Variants in RNF130 observed in about 807,000 individuals in gnomAD.
The protein encoded by RNF130 is ring finger protein 130, also known as E3 ubiquitin-protein ligase RNF130.
Under a neutral mutation model 44.6 loss-of-function variants are expected in RNF130, and 21 were observed. The ratio of observed to expected loss-of-function variants is 0.47; its 90% confidence interval spans 0.33 to 0.68. The LOEUF is 0.68. Among genes scored for constraint, RNF130 ranks in the 30% least tolerant of loss-of-function variants. The pLI is 0.02. For missense variants in RNF130, 479 were observed against 560.6 expected, an observed-to-expected ratio of 0.85 and a Z score of 1.47; for synonymous variants, 214 against 210.4, an observed-to-expected ratio of 1.02 and a Z score of -0.15.
At chr5:180,058,173 TG>T (rs1251313968) in intron 1 of RNF130, among the ~76,000 whole-genome samples, 1 of 152,148 alleles carries the variant, frequency 6.6e-6, no homozygotes, top group Non-Finnish European at 1.5e-5. Flanking sequence ...GAGCCGTGAC[TG>T]GAAGGGACCT....
At chr5:180,047,950 G>C (rs1201831620) in intron 1 of RNF130, among the ~76,000 whole-genome samples, 1 of 151,286 alleles carries the variant, frequency 6.6e-6, no homozygotes, top group East Asian at 1.9e-4. Flanking sequence ...TGCCTTCCCT[G>C]GCGTGGGCCC....
At chr5:180,006,060 G>A (rs549114539) in intron 3 of RNF130, among the ~76,000 whole-genome samples, 1 of 152,102 alleles carries the variant, frequency 6.6e-6, no homozygotes, top group Non-Finnish European at 1.5e-5. Flanking sequence ...GAAAAACAAG[G>A]TATCAGAGTA....
At chr5:180,038,198 G>A (rs1013719579) in intron 2 of RNF130, among the ~76,000 whole-genome samples, 4 of 152,004 alleles carry the variant, frequency 2.6e-5, no homozygotes, top group Non-Finnish European at 5.9e-5. Flanking sequence ...GGGACTACAG[G>A]AATGCACCAT....
chr5:179,996,550 T>C (rs1320892260), intron 3 of RNF130, among the ~76,000 whole-genome samples: 1 of 152,266 alleles, frequency 6.6e-6, no homozygotes, highest in Non-Finnish European at 1.5e-5. Flanking sequence ...AAATGCTTTT[T>C]CTGCATCTAC....
intron 7 of RNF130, among the ~76,000 whole-genome samples, chr5:179,944,164 G>A (rs1012256414): frequency 6.6e-6 from 1 of 151,424 alleles, no homozygotes; most frequent in Non-Finnish European, 1.5e-5. Flanking sequence ...AGACGGGGGG[G>A]TTCACCATAT....
chr5:179,928,687 G>A (rs896010861), intron 7 of RNF130, among the ~76,000 whole-genome samples: 1 of 150,882 alleles, frequency 6.6e-6, no homozygotes, highest in Non-Finnish European at 1.5e-5. Flanking sequence ...GGAGTGCAGT[G>A]GTGCGATCTC....
chr5:180,004,538 C>T (rs1367315764), intron 3 of RNF130, among the ~76,000 whole-genome samples: 3 of 152,156 alleles, frequency 2.0e-5, no homozygotes, highest in Non-Finnish European at 4.4e-5. Flanking sequence ...TAGCATACAG[C>T]TTGAGGGGTT....
intron 3 of RNF130, among the ~76,000 whole-genome samples, chr5:180,002,394 T>G (rs1055288024): frequency 6.6e-6 from 1 of 152,124 alleles, no homozygotes; most frequent in East Asian, 1.9e-4. Flanking sequence ...AGCTTAGCCT[T>G]AGGGACAAAG....
chr5:180,045,435 GCTCA>G, intron 1 of RNF130, among the ~76,000 whole-genome samples: 1 of 152,298 alleles, frequency 6.6e-6, no homozygotes, highest in South Asian at 2.1e-4. Flanking sequence ...GAGTGTTACA[GCTCA>G]TAAAGACCGC....
At chr5:179,965,325 C>T (rs10076682) in intron 7 of RNF130, among the ~76,000 whole-genome samples, 2,488 of 152,278 alleles carry the variant, frequency 0.016, 68 homozygotes, top group African/African-American at 0.056. Context: ...GTGGTTGCTA[C>T]GGTGCCCAGG....
At chr5:180,032,054 G>C (rs895025783) in intron 2 of RNF130, among the ~76,000 whole-genome samples, 1 of 152,132 alleles carries the variant, frequency 6.6e-6, no homozygotes, top group Non-Finnish European at 1.5e-5. Flanking sequence ...TGTAAAACTA[G>C]GTTGTTTATC....
chr5:179,990,467 G>A lies in RNF130; in HGVS notation c.694-10267C>T, dbSNP rs575473679. ...ATGAGAGCGGACCAGGGGCGTGACC[G>A]CTGAAGCACAGCATCACAGGGAGAT... On this transcript the variant is annotated intron_variant, in intron 3 of 8. Transcript: ENST00000521389. Among the ~76,000 whole-genome samples, 4 of 152,298 alleles carry A rather than the reference G, an allele frequency of 2.6e-5. No individual in the cohort carries two copies. The East Asian group carries it at 5.8e-4, about 22-fold the overall frequency.
chr5:180,046,169 C>A (rs1371816664), intron 1 of RNF130, among the ~76,000 whole-genome samples: 1 of 152,200 alleles, frequency 6.6e-6, no homozygotes, highest in African/African-American at 2.4e-5. Context: ...GCGCACCCTC[C>A]GCAGCTGCTG....
exon 8 of RNF130, chr5:179,912,218 A>G (rs549259689): frequency 2.0e-5 from 3 of 152,210 alleles, no homozygotes; most frequent in Non-Finnish European, 4.4e-5. Context: ...CAACTTTAAT[A>G]TTTTATGAGT....
intron 3 of RNF130, 197 bp from the exon 4 acceptor site, chr5:179,980,397 A>G (rs775365916): frequency 2.7e-4 from 150 of 548,032 alleles, no homozygotes; most frequent in Non-Finnish European, 2.6e-4. Flanking sequence ...AAAAAGTGTT[A>G]GAACACCCTG....
At chr5:179,936,698 C>T (rs1410211620) in intron 7 of RNF130, among the ~76,000 whole-genome samples, 1 of 152,170 alleles carries the variant, frequency 6.6e-6, no homozygotes, top group Non-Finnish European at 1.5e-5. Flanking sequence ...AGCTGGAAGA[C>T]TCAAACTTCC....
chr5:180,042,212 A>T (rs1422209876), intron 1 of RNF130, among the ~76,000 whole-genome samples: 1 of 152,218 alleles, frequency 6.6e-6, no homozygotes, highest in African/African-American at 2.4e-5. Context: ...TCAGAGAACT[A>T]TTACATCTAC....
chr5:180,056,212 C>T (rs1582226350), intron 1 of RNF130, among the ~76,000 whole-genome samples: 1 of 151,694 alleles, frequency 6.6e-6, no homozygotes, highest in Non-Finnish European at 1.5e-5. Flanking sequence ...CCCGCTGTTA[C>T]TCTTAGCCTA....
intron 5 of RNF130, among the ~76,000 whole-genome samples, chr5:179,974,294 T>C (rs962503421): frequency 6.6e-6 from 1 of 152,146 alleles, no homozygotes; most frequent in African/African-American, 2.4e-5. Flanking sequence ...ACGCGGCAAC[T>C]CCACTTCTGA....
Sources: allele counts gnomAD v4.1 joint callset (sites outside exome capture counted in the v4.1 genomes callset), GRCh38; gene constraint gnomAD v4.1.1; transcripts MANE v1.5; gene names NCBI Gene and HGNC (gene_info 2026-07-23, HGNC 2026-07-21).